The following SLC25A12 variants were observed in gnomAD, a reference collection of about 807,000 sequenced individuals.
SLC25A12 encodes solute carrier family 25 member 12.
Under a neutral mutation model 83.3 loss-of-function variants are expected in SLC25A12, and 32 were observed. The ratio of observed to expected loss-of-function variants is 0.38; its 90% CI spans 0.29 to 0.52. SLC25A12 has a LOEUF of 0.52. Ranked by LOEUF, SLC25A12 falls within the 20% of genes least tolerant of loss-of-function variation. The pLI is 0.84. For missense variants in SLC25A12, 611 were observed against 835.6 expected (o/e 0.73, Z 3.31); for synonymous variants, 267 against 291.1 (o/e 0.92, Z 0.84).
chr2:171,894,060 C>T (rs1685999155), intron 1 of SLC25A12, 143 bp downstream of exon 1: 2 of 1,165,584 alleles, frequency 1.7e-6, no homozygotes, highest in South Asian at 1.4e-5. Flanking sequence ...CCCCGCACAG[C>T]TCTCCCCGCA....
chr2:171,813,889 A>T (rs1435197962), intron 10 of SLC25A12, among the ~76,000 whole-genome samples: 2 of 152,258 alleles, frequency 1.3e-5, no homozygotes, highest in Non-Finnish European at 2.9e-5. Flanking sequence ...GTTACTTCTT[A>T]AAATGACTAT....
chr2:171,843,882 G>A (rs917913647), intron 5 of SLC25A12, among the ~76,000 whole-genome samples: 4 of 136,744 alleles, frequency 2.9e-5, no homozygotes, highest in African/African-American at 8.1e-5. Context: ...TGCAAGCTCC[G>A]CCTCCCAGGT....
chr2:171,843,601 C>T (rs1183684632), intron 5 of SLC25A12, among the ~76,000 whole-genome samples: 5 of 152,010 alleles, frequency 3.3e-5, no homozygotes, highest in African/African-American at 9.7e-5. Context: ...CACTGCACTC[C>T]AGCCTGAGCA....
intron 4 of SLC25A12, among the ~76,000 whole-genome samples, chr2:171,852,159 C>G (rs528002701): frequency 2.6e-5 from 4 of 152,218 alleles, no homozygotes; most frequent in Non-Finnish European, 5.9e-5. Context: ...AACTCCAGAA[C>G]CCTTTCCTGA....
intron 5 of SLC25A12, among the ~76,000 whole-genome samples, chr2:171,843,237 T>G (rs1684717786): frequency 6.6e-6 from 1 of 152,216 alleles, no homozygotes; most frequent in Non-Finnish European, 1.5e-5. Context: ...CTAATGTGTT[T>G]TAAACGCATT....
At chr2:171,804,274 T>G (rs1683776097) in intron 13 of SLC25A12, among the ~76,000 whole-genome samples, 1 of 152,118 alleles carries the variant, frequency 6.6e-6, no homozygotes, top group Non-Finnish European at 1.5e-5. Context: ...TTTATTTATT[T>G]TGAGACAGAG....
chr2:171,893,648 C>T (rs531645856), intron 1 of SLC25A12, among the ~76,000 whole-genome samples: 78 of 152,316 alleles, frequency 5.1e-4, no homozygotes, highest in African/African-American at 1.8e-3. Context: ...GGCCTAGCAG[C>T]CTTTCTCCAT....
chr2:171,834,065 G>C lies in SLC25A12; in HGVS notation c.752-9C>G. On this transcript the variant is annotated splice_polypyrimidine_tract_variant and intron_variant, in intron 7 of 17. Transcript: ENST00000422440. Reference sequence around the variant, plus strand: ...ACTCTGGGCAAATTCCTCTGGAACAGAGAAAAAAAAAGTTAAAATCTTGAA... The same window carrying C: ...ACTCTGGGCAAATTCCTCTGGAACACAGAAAAAAAAAGTTAAAATCTTGAA... 1 of 1,541,258 alleles carries C rather than the reference G, an allele frequency of 6.5e-7. No homozygotes were observed. The highest frequency in any genetic ancestry group is 9.0e-7 in the Non-Finnish European group (1 of 1,115,980).
At chr2:171,801,781 T>C (rs1683711696) in intron 13 of SLC25A12, among the ~76,000 whole-genome samples, 1 of 152,162 alleles carries the variant, frequency 6.6e-6, no homozygotes, top group African/African-American at 2.4e-5. Context: ...ATGTTTTAGG[T>C]AGGATAGGCT....
chr2:171,894,020 C>T (rs1685997176), intron 1 of SLC25A12, among the ~76,000 whole-genome samples, 183 bp downstream of exon 1: 1 of 152,154 alleles, frequency 6.6e-6, no homozygotes. Context: ...TTCCCCTCCC[C>T]CAGCCGGGCA....
At chr2:171,835,803 C>A (rs1345304502) in intron 6 of SLC25A12, among the ~76,000 whole-genome samples, 3 of 151,788 alleles carry the variant, frequency 2.0e-5, no homozygotes, top group Non-Finnish European at 4.4e-5. Context: ...CCACCCCTCA[C>A]ACACATGCCT....
chr2:171,874,583 TG>T (rs1685525491), intron 2 of SLC25A12, among the ~76,000 whole-genome samples: 8 of 152,108 alleles, frequency 5.3e-5, no homozygotes, highest in Non-Finnish European at 1.2e-4. Context: ...GCCACAGAGG[TG>T]TCTATTCTCT....
Position 171,834,853 on chromosome 2 carries a change from T to C in SLC25A12, c.625A>G (p.Ser209Gly). 6.2e-7 allele frequency: 1 copy of C among 1,613,892 alleles called. No homozygotes were observed. Among genetic ancestry groups the C allele is most frequent in the Non-Finnish European group, 8.5e-7 (1 of 1,179,926 alleles). ...EENLVSAAGG[S>G]ISHQVSFSYF... ...GAGAAGCTAACCTGGTGTGAGATAC[T>C]TCCTCCAGCTGCCTAGAAAATGACA... Residue 209 changes from serine (S) to glycine (G), a missense_variant, in exon 7 of 18, where the codon AGT becomes GGT. This residue lies in a region of SLC25A12 where 540 missense variants were observed against 777.5 expected (regional missense o/e 0.69). Coordinates refer to ENST00000422440, the MANE Select transcript of SLC25A12 (RefSeq NM_003705.5).
chr2:171,784,416 GAA>G lies in SLC25A12; in HGVS notation c.*856_*857del, dbSNP rs1690450374. The G allele has an allele frequency of 2.0e-5, 3 of 152,262 alleles. No homozygotes were observed. Among genetic ancestry groups the G allele is most frequent in the Admixed American group, 2.0e-4 (3 of 15,286 alleles). 9.4% of individuals were successfully genotyped at this position (152,262 alleles called of 1,614,324 possible). A position where few individuals can be genotyped will look rare whatever the true frequency, so the allele number is the denominator to read the frequency against. Reference sequence around the variant, plus strand: ...TTTTTGACTGGAATCATATCCATATGAAGGGAAATTGTGAAAGTATCCTTTAC... The same window carrying G: ...TTTTTGACTGGAATCATATCCATATGGGGAAATTGTGAAAGTATCCTTTAC... On this transcript the variant is annotated 3_prime_UTR_variant, in exon 18 of 18. Transcript: ENST00000422440.
chr2:171,794,379 A>T (rs1006682793), intron 13 of SLC25A12, among the ~76,000 whole-genome samples: 3 of 152,202 alleles, frequency 2.0e-5, no homozygotes, highest in Admixed American at 2.0e-4. Flanking sequence ...CCCACACAAA[A>T]GGGAAGAATT....
At chr2:171,860,619 CA>C (rs1428024793) in intron 3 of SLC25A12, among the ~76,000 whole-genome samples, 1 of 151,766 alleles carries the variant, frequency 6.6e-6, no homozygotes, top group Admixed American at 6.6e-5. Context: ...ACAACAACAA[CA>C]AAAAACCCTC....
intron 14 of SLC25A12, 31 bp downstream of exon 14, chr2:171,793,596 A>T (rs1162604858): frequency 1.2e-6 from 2 of 1,608,174 alleles, no homozygotes; most frequent in Non-Finnish European, 1.7e-6. Context: ...TTCATATTTT[A>T]TTGAGTACAT....
chr2:171,799,252 AAGAC>A (rs1341519848), intron 13 of SLC25A12, among the ~76,000 whole-genome samples: 1 of 152,228 alleles, frequency 6.6e-6, no homozygotes, highest in East Asian at 1.9e-4. Context: ...AAAATGAACT[AAGAC>A]AGCAAGAATG....
intron 6 of SLC25A12, among the ~76,000 whole-genome samples, chr2:171,836,235 CAGA>C (rs937743041): frequency 5.3e-5 from 8 of 152,120 alleles, no homozygotes; most frequent in Admixed American, 5.2e-4. Context: ...AGAAAAAGAA[CAGA>C]AGTTGATCTT....
Sources: gnomAD v4.1 joint callset for allele counts (sites outside exome capture counted in the v4.1 genomes callset) on GRCh38, gnomAD v4.1.1 for gene constraint, gnomAD v4.1.1 regional missense constraint, MANE v1.5 for transcripts, NCBI Gene and HGNC (gene_info 2026-07-23, HGNC 2026-07-21) for gene names.